Variants in CTCFL observed in about 807,000 individuals in gnomAD.
CTCFL encodes the protein CCCTC-binding factor like, also known as transcriptional repressor CTCFL.
In CTCFL, 36 loss-of-function variants were observed where a neutral mutation model predicts 67.4. The observed-to-expected ratio is 0.53, with a 90% CI of 0.41 to 0.71. CTCFL has a LOEUF of 0.71. Among genes scored for constraint, CTCFL ranks in the 30% least tolerant of loss-of-function variants. CTCFL has a pLI of 0.00. For missense variants in CTCFL, 786 were observed against 835.2 expected, an observed-to-expected ratio of 0.94 and a Z score of 0.73; for synonymous variants, 324 against 302.3, an observed-to-expected ratio of 1.07 and a Z score of -0.75.
rs766423703 is a variant in CTCFL, at chr20:57,515,704, G to C, written c.1180+10C>G. The C allele has an allele frequency of 1.9e-6, 3 of 1,614,024 alleles. No homozygotes were observed. The highest frequency in any genetic ancestry group is 2.2e-5 in the South Asian group (2 of 91,080). ...TGTAGGTATCAGGCCTTCAGCACCA[G>C]AGCCCTTACCTGAGTGCGTTCTCAT... On this transcript the variant is annotated intron_variant, in intron 6 of 10. Coordinates refer to ENST00000243914, the MANE Select transcript of CTCFL (RefSeq NM_001386993.1).
At chr20:57,514,468 C>T (rs2068770589) in intron 7 of CTCFL, 124 bp downstream of exon 7, 6 of 1,174,738 alleles carry the variant, frequency 5.1e-6, no homozygotes, top group Non-Finnish European at 6.1e-6. Flanking sequence ...AAAATTCGTC[C>T]CAGGGCCAAG....
intron 8 of CTCFL, among the ~76,000 whole-genome samples, chr20:57,510,439 T>C (rs976527844): frequency 6.6e-6 from 1 of 152,232 alleles, no homozygotes; most frequent in Non-Finnish European, 1.5e-5. Context: ...CTAATGTCTG[T>C]CTTAATAGAT....
Position 57,509,220 on chromosome 20 carries a change from G to T in CTCFL, c.1492-432C>A, listed in dbSNP as rs1379550054. Among the ~76,000 whole-genome samples the T allele has an allele frequency of 2.6e-5, 4 of 151,660 alleles. No individual in the cohort carries two copies. The South Asian group carries it at 6.3e-4, about 24-fold the overall frequency. ...ATTCAGCAGACCTTTGGGGTTGCAA[G>T]TACCTTAAGTATCAACATTTTTCCA... is the stretch of plus-strand genomic sequence containing the variant. On this transcript the variant is annotated intron_variant, in intron 8 of 10. Coordinates refer to ENST00000243914, the MANE Select transcript of CTCFL (RefSeq NM_001386993.1).
chr20:57,504,122 A>C (rs368291563), intron 9 of CTCFL, among the ~76,000 whole-genome samples: 1 of 150,188 alleles, frequency 6.7e-6, no homozygotes. Flanking sequence ...GACTACAGGC[A>C]CCCGTCACCA....
rs2069778969 is a variant in CTCFL at position 57,525,108 on chromosome 20, CACAGCCGGCCGCCGCCGGGCT to C, written c.-113_-93del. On this transcript the variant is annotated 5_prime_UTR_variant, in exon 1 of 11. Transcript: ENST00000243914. ...GCCTCGTGCACCGCGTGCTGCAGCC[CACAGCCGGCCGCCGCCGGGCT>C]GGCGCGAGAGTGGAGGGTGGCAGTG... The C allele has an allele frequency of 6.6e-6, 1 of 152,074 alleles. No homozygotes were observed. The highest frequency in any genetic ancestry group is 1.5e-5 in the Non-Finnish European group (1 of 68,136). 9.4% of individuals were successfully genotyped at this position (152,074 alleles called of 1,614,324 possible). A position where few individuals can be genotyped will look rare whatever the true frequency, so the allele number is the denominator to read the frequency against.
chr20:57,512,249 G>A (rs1430043325), intron 8 of CTCFL, among the ~76,000 whole-genome samples: 1 of 152,144 alleles, frequency 6.6e-6, no homozygotes, highest in Non-Finnish European at 1.5e-5. Context: ...CAATTCCACT[G>A]GGTGTCACTG....
chr20:57,517,627 A>ATACG (rs990968967), intron 5 of CTCFL, among the ~76,000 whole-genome samples: 13 of 152,158 alleles, frequency 8.5e-5, no homozygotes, highest in Admixed American at 4.6e-4. Context: ...CACAGCTTTG[A>ATACG]TACGTTCCTG....
At chr20:57,499,075 G>GGGGT (rs2067785960) in intron 10 of CTCFL, among the ~76,000 whole-genome samples, 1 of 84,612 alleles carries the variant, frequency 1.2e-5, no homozygotes, top group Non-Finnish European at 2.1e-5. Flanking sequence ...GAAGGTGACG[G>GGGGT]GGGGGGGGTG....
chr20:57,512,461 TG>T, intron 8 of CTCFL, 130 bp downstream of exon 8: 1 of 865,858 alleles, frequency 1.2e-6, no homozygotes, highest in Non-Finnish European at 1.8e-6. Flanking sequence ...AGTTGCTTTC[TG>T]GTTATTCTGA....
At chr20:57,509,204 A>G (rs1485474252) in intron 8 of CTCFL, among the ~76,000 whole-genome samples, 1 of 151,976 alleles carries the variant, frequency 6.6e-6, no homozygotes, top group African/African-American at 2.4e-5. Flanking sequence ...AATTCAGCAG[A>G]CCTTTGGGGT....
chr20:57,508,931 A>AT (rs2068378740), intron 8 of CTCFL, 143 bp from the exon 9 acceptor site: 2 of 766,854 alleles, frequency 2.6e-6, no homozygotes, highest in East Asian at 5.4e-5. Context: ...CACATTCTGA[A>AT]CAAGGCAGCA....
Position 57,524,052 on chromosome 20 carries a change from T to C in CTCFL, c.154A>G (p.Thr52Ala). 1.9e-6 allele frequency: 3 copies of C among 1,613,500 alleles called. No individual in the cohort carries two copies. Among genetic ancestry groups the C allele is most frequent in the South Asian group, 1.1e-5 (1 of 91,072 alleles). Residue 52 changes from threonine to alanine, a missense_variant, in exon 2 of 11, where the codon ACC becomes GCC. Thr to Ala is a moderately conservative substitution (Grantham distance 58). Coordinates refer to ENST00000243914, the MANE Select transcript of CTCFL (RefSeq NM_001386993.1). ...RSPSELEAER[T>A]SGAFQDSVLE... is the part of the protein sequence containing the mutation. The stretch of plus-strand genomic sequence containing the variant: ...ACGCTGTCCTGGAAGGCCCCAGAGG[T>C]ACGCTCGGCCTCCAACTCACTAGGG...
intron 3 of CTCFL, among the ~76,000 whole-genome samples, chr20:57,522,175 G>A (rs1265459140): frequency 2.0e-5 from 3 of 152,154 alleles, no homozygotes; most frequent in Non-Finnish European, 2.9e-5. Context: ...GAAGGGCCCT[G>A]ACCACATGTA....
At chr20:57,504,177 C>T (rs6025593) in intron 9 of CTCFL, among the ~76,000 whole-genome samples, 46,757 of 151,270 alleles carry the variant, frequency 0.31, 7,747 homozygotes, top group African/African-American at 0.42. Flanking sequence ...GGGGTTTCAC[C>T]GTGTTAGCCA....
chr20:57,509,968 C>G (rs892821813), intron 8 of CTCFL, among the ~76,000 whole-genome samples: 4 of 152,322 alleles, frequency 2.6e-5, no homozygotes, highest in East Asian at 1.9e-4. Flanking sequence ...TCCAGGGCCC[C>G]TCATCCTTTC....
At chr20:57,508,477 G>C (rs1391001216) in intron 9 of CTCFL, 129 bp downstream of exon 9, 1 of 830,096 alleles carries the variant, frequency 1.2e-6, no homozygotes, top group African/African-American at 1.7e-5. Context: ...CTTTCCTAAG[G>C]CATGACAGAT....
chr20:57,498,157 A>G lies in CTCFL; in HGVS notation c.*393T>C, dbSNP rs891488552. On this transcript the variant is annotated 3_prime_UTR_variant, in exon 11 of 11. Coordinates refer to ENST00000243914, the MANE Select transcript of CTCFL (RefSeq NM_001386993.1). Reference sequence around the variant, plus strand: ...GTGGAAGCACTAGCTGGTCTAGACTATTTTGAAATATCCAAAAATCACTAC... The same window carrying G: ...GTGGAAGCACTAGCTGGTCTAGACTGTTTTGAAATATCCAAAAATCACTAC... 1.4e-5 allele frequency: 14 copies of G among 990,606 alleles called. No homozygotes were observed. The highest frequency in any genetic ancestry group is 1.7e-5 in the Non-Finnish European group (14 of 833,368). 61.4% of individuals were successfully genotyped at this position (990,606 alleles called of 1,614,324 possible).
At chr20:57,522,853 C>A (rs997811171) in intron 3 of CTCFL, among the ~76,000 whole-genome samples, 1 of 152,218 alleles carries the variant, frequency 6.6e-6, no homozygotes, top group African/African-American at 2.4e-5. Flanking sequence ...TTTGTGGGAA[C>A]ATTTTTACTG....
At chr20:57,523,423 G>T in intron 2 of CTCFL, 145 bp from the exon 3 acceptor site, 2 of 975,056 alleles carry the variant, frequency 2.1e-6, no homozygotes, top group Non-Finnish European at 3.0e-6. Flanking sequence ...CAGGGTTGTG[G>T]CAGTGAAACT....
Sources: gnomAD v4.1 joint callset for allele counts (sites outside exome capture counted in the v4.1 genomes callset) on GRCh38, gnomAD v4.1.1 for gene constraint, MANE v1.5 for transcripts, NCBI Gene and HGNC (gene_info 2026-07-23, HGNC 2026-07-21) for gene names.